The following MYCBP2 variants were observed in gnomAD, a reference collection of about 807,000 sequenced individuals.
The protein encoded by MYCBP2 is E3 ubiquitin-protein ligase MYCBP2.
MYCBP2 carries 120 observed loss-of-function variants against 525.3 expected under a neutral mutation model. The ratio of observed to expected loss-of-function variants is 0.23; its 90% CI spans 0.20 to 0.27. The LOEUF is 0.27. Among genes scored for constraint, MYCBP2 ranks in the 10% least tolerant of loss-of-function variants. The pLI, the probability that MYCBP2 is intolerant of heterozygous loss-of-function variation, is 1.00. For missense variants in MYCBP2, 4,149 were observed against 5,657.1 expected (o/e 0.73, Z 8.55); for synonymous variants, 1,894 against 1,955.8 (o/e 0.97, Z 0.83).
At chr13:77,203,962 T>G (rs1483038602) in intron 26 of MYCBP2, among the ~76,000 whole-genome samples, 1 of 151,882 alleles carries the variant, frequency 6.6e-6, no homozygotes, top group Non-Finnish European at 1.5e-5. Flanking sequence ...AACCTAGGCA[T>G]TACCATTCAG....
At chr13:77,172,230 C>T (rs1030654816) in intron 37 of MYCBP2, among the ~76,000 whole-genome samples, 8 of 151,498 alleles carry the variant, frequency 5.3e-5, no homozygotes, top group Middle Eastern at 3.4e-3. Flanking sequence ...TAAAGACCCA[C>T]GCGAAGAGCT....
intron 3 of MYCBP2, among the ~76,000 whole-genome samples, chr13:77,281,623 C>T (rs2076195773): frequency 2.6e-5 from 4 of 152,026 alleles, no homozygotes; most frequent in Admixed American, 2.6e-4. Flanking sequence ...GATAAAGAAA[C>T]ATGAAGCCCA....
Position 77,180,284 on chromosome 13 carries a change from C to A in MYCBP2, c.4976G>T (p.Arg1659Leu), listed in dbSNP as rs749105386. The change falls in exon 34 of 83, where the codon CGT becomes CTT. Residue 1659 changes from arginine to leucine, a missense_variant. By Grantham distance (102) the Arg-to-Leu change is moderately radical. Coordinates refer to ENST00000544440, the MANE Select transcript of MYCBP2 (RefSeq NM_015057.5). The part of the protein sequence containing the change: ...EENISGMTSF[R>L]EVLEKMLVIV... ...GACCAGCATTTTCTCCAGAACTTCACGGAAGCTTGTCATCCCTGAGATATT... is the reference window on the plus strand; with the variant it reads ...GACCAGCATTTTCTCCAGAACTTCAAGGAAGCTTGTCATCCCTGAGATATT... The A allele has an allele frequency of 6.2e-7, 1 of 1,614,084 alleles. No homozygotes were observed. The highest frequency in any genetic ancestry group is 2.2e-5 in the East Asian group (1 of 44,880).
intron 3 of MYCBP2, among the ~76,000 whole-genome samples, chr13:77,280,589 G>T (rs1056924986): frequency 3.9e-5 from 6 of 152,136 alleles, no homozygotes; most frequent in Admixed American, 1.3e-4. Flanking sequence ...TTTGGCTAAG[G>T]TTCATTTATT....
intron 4 of MYCBP2, among the ~76,000 whole-genome samples, chr13:77,274,540 C>A (rs992398209): frequency 2.0e-5 from 3 of 152,148 alleles, no homozygotes; most frequent in African/African-American, 7.2e-5. Context: ...TACTGCAATT[C>A]TCTAAAAACT....
At chr13:77,303,557 A>C (rs1466037560) in intron 1 of MYCBP2, among the ~76,000 whole-genome samples, 2 of 152,234 alleles carry the variant, frequency 1.3e-5, no homozygotes, top group Admixed American at 1.3e-4. Context: ...AAATTAAAAA[A>C]AAACAAACAA....
At chr13:77,083,505 A>G (rs117026543) in intron 62 of MYCBP2, among the ~76,000 whole-genome samples, 501 of 152,190 alleles carry the variant, frequency 3.3e-3, no homozygotes, top group Non-Finnish European at 5.8e-3. Flanking sequence ...GTGTGCATAT[A>G]TATGTATGTG....
intron 52 of MYCBP2, among the ~76,000 whole-genome samples, chr13:77,135,173 T>C (rs562276194): frequency 1.9e-4 from 29 of 152,340 alleles, no homozygotes; most frequent in South Asian, 2.1e-4. Flanking sequence ...TTTTCAGTAC[T>C]TTCACTTCTT....
intron 20 of MYCBP2, among the ~76,000 whole-genome samples, chr13:77,224,032 C>G (rs2065936480): frequency 1.3e-5 from 2 of 152,184 alleles, no homozygotes; most frequent in Non-Finnish European, 1.5e-5. Flanking sequence ...TATTCAAAAG[C>G]TTCAATGACT....
intron 34 of MYCBP2, among the ~76,000 whole-genome samples, chr13:77,178,199 T>G (rs2059893375): frequency 1.3e-5 from 2 of 152,244 alleles, no homozygotes; most frequent in Non-Finnish European, 2.9e-5. Context: ...TTCCACTTAA[T>G]TTATAATGTC....
chr13:77,086,017 G>A (rs183774117), intron 62 of MYCBP2, among the ~76,000 whole-genome samples: 1 of 152,162 alleles, frequency 6.6e-6, no homozygotes, highest in Admixed American at 6.5e-5. Flanking sequence ...GTATTAGGTA[G>A]ATACATATCC....
intron 66 of MYCBP2, 32 bp from the exon 67 acceptor site, chr13:77,077,419 T>C (rs1382165962): frequency 1.2e-6 from 2 of 1,611,220 alleles, no homozygotes. Context: ...AGGAACCTGA[T>C]TCAGCTGGAT....
intron 17 of MYCBP2, among the ~76,000 whole-genome samples, chr13:77,239,982 A>G (rs2068563523): frequency 6.6e-6 from 1 of 152,232 alleles, no homozygotes; most frequent in African/African-American, 2.4e-5. Context: ...TGTAAAGAAG[A>G]AAATAAAAAA....
chr13:77,152,262 C>A (rs993855139), intron 46 of MYCBP2, among the ~76,000 whole-genome samples: 2 of 152,048 alleles, frequency 1.3e-5, no homozygotes, highest in East Asian at 1.9e-4. Context: ...TGACACAAAC[C>A]CCTGGAAATA....
At position 77,261,379 on chromosome 13, in the gene MYCBP2, A is replaced by G. The variant is rs1421841036; in HGVS notation, c.1648-4T>C. 4 of 1,508,384 alleles carry G rather than the reference A, an allele frequency of 2.7e-6. No individual in the cohort carries two copies. In the Admixed American group the frequency reaches 8.5e-5, roughly 32 times the overall value. The allele number at this position is 1,508,384 out of a possible 1,614,324, so 93.4% of individuals were successfully genotyped here. ...GGTATTTGCCAGTGTAATATATCTT[A>G]TGTATTAAAAAAAAAAAGGAATTAT... is the stretch of plus-strand genomic sequence containing the variant. On this transcript the variant is annotated splice_polypyrimidine_tract_variant and splice_region_variant and intron_variant, in intron 11 of 82. Coordinates refer to ENST00000544440, the MANE Select transcript of MYCBP2 (RefSeq NM_015057.5).
At chr13:77,140,619 T>C (rs1284078357) in intron 50 of MYCBP2, among the ~76,000 whole-genome samples, 1 of 152,184 alleles carries the variant, frequency 6.6e-6, no homozygotes, top group Non-Finnish European at 1.5e-5. Flanking sequence ...CTTTTGTTCA[T>C]TGTAAATGTT....
At position 77,190,302 on chromosome 13, in the gene MYCBP2, T is replaced by A. The variant is rs1277729539; in HGVS notation, c.4104A>T (p.Ser1368=). 1.9e-6 allele frequency: 3 copies of A among 1,610,452 alleles called. No individual in the cohort carries two copies. In the Admixed American group the frequency reaches 5.0e-5, roughly 27 times the overall value. Residue 1368 remains serine, a synonymous_variant, in exon 29 of 83, where the codon TCA becomes TCT. Transcript: ENST00000544440. ...VVFQFKSSKK[S]NNGTDVNAGQ... ...CCGCATTAACATCTGTACCATTATT[T>A]GATTTCTTTGAACTCTTGAACTGGA...
At chr13:77,204,961 G>A (rs1593864316) in intron 26 of MYCBP2, among the ~76,000 whole-genome samples, 2 of 150,912 alleles carry the variant, frequency 1.3e-5, no homozygotes, top group Admixed American at 6.6e-5. Flanking sequence ...TGACAAGTTC[G>A]TGGGTGCAGC....
intron 15 of MYCBP2, among the ~76,000 whole-genome samples, chr13:77,245,807 T>A (rs576701908): frequency 6.1e-5 from 9 of 148,242 alleles, no homozygotes; most frequent in Middle Eastern, 3.4e-3. Context: ...CATTCACACA[T>A]TGGAAAGGAA....
Sources: allele counts gnomAD v4.1 joint callset (sites outside exome capture counted in the v4.1 genomes callset), GRCh38; gene constraint gnomAD v4.1.1; transcripts MANE v1.5; gene names NCBI Gene and HGNC (gene_info 2026-07-23, HGNC 2026-07-21).